PCDH10: variants seen among roughly 807,000 people sequenced by gnomAD.
PCDH10 encodes protocadherin 10.
A neutral mutation model predicts 74.4 loss-of-function variants in PCDH10; 15 were observed. The observed-to-expected ratio is 0.20, with a 90% CI of 0.13 to 0.31. The LOEUF (loss-of-function observed/expected upper bound fraction) is 0.31, where lower values mean the gene tolerates loss of function less well. Ranked by LOEUF, PCDH10 falls within the 10% of genes least tolerant of loss-of-function variation. PCDH10 has a pLI of 1.00. For missense variants in PCDH10, 1,260 were observed against 1,390.2 expected (o/e 0.91, Z 1.49); for synonymous variants, 619 against 589.8 (o/e 1.05, Z -0.72).
chr4:133,165,014 ATG>A (rs1412134450), intron 4 of PCDH10, among the ~76,000 whole-genome samples: 1 of 147,768 alleles, frequency 6.8e-6, no homozygotes, highest in Non-Finnish European at 1.5e-5. Context: ...ATTCATATAT[ATG>A]TGTATATATA....
At position 133,171,489 on chromosome 4, in the gene PCDH10, CCT is replaced by C. The variant is rs1727202427; in HGVS notation, c.3103+8210_3103+8211del. 2.0e-5 allele frequency among the ~76,000 whole-genome samples: 3 copies of C among 152,204 alleles called. No individual in the cohort carries two copies. In the South Asian group the frequency reaches 6.2e-4, roughly 31 times the overall value. ...GAAATAGTCAAGATAGAGGTGCTCT[CCT>C]CTTCTAACAAAACATATGGGTTTGT... On this transcript the variant is annotated intron_variant, in intron 4 of 4. Coordinates refer to ENST00000264360, the MANE Select transcript of PCDH10 (RefSeq NM_032961.3).
In PCDH10 at chr4:133,193,804, A is replaced by G. The variant is rs1338368115; in HGVS notation, c.*3644A>G. On this transcript the variant is annotated 3_prime_UTR_variant, in exon 5 of 5. Coordinates refer to ENST00000264360, the MANE Select transcript of PCDH10 (RefSeq NM_032961.3). ...AAATCTTATATTTTTCATATTACAA[A>G]TTCTTGAGTTCTTTATCTTTTTCAA... 1.3e-5 allele frequency: 2 copies of G among 151,612 alleles called. No homozygotes were observed. The highest frequency in any genetic ancestry group is 1.9e-4 in the East Asian group (1 of 5,180). The allele number at this position is 151,612 out of a possible 1,614,324, so 9.4% of individuals were successfully genotyped here.
Position 133,162,990 on chromosome 4 carries a change from C to T in PCDH10, c.2811C>T (p.Phe937=), listed in dbSNP as rs1479214015. ...NRAQSAGMDL[F]SNCTEECKAL... ...TTCTGCTTACAGGTATGGATCTCTT[C>T]TCCAATTGCACTGAGGAATGTAAAG... The change falls in exon 4 of 5, where the codon TTC becomes TTT. Residue 937 remains phenylalanine, a synonymous_variant. Coordinates refer to ENST00000264360, the MANE Select transcript of PCDH10 (RefSeq NM_032961.3). 6.2e-7 allele frequency: 1 copy of T among 1,610,890 alleles called. No individual in the cohort carries two copies. Among genetic ancestry groups the T allele is most frequent in the Non-Finnish European group, 8.5e-7 (1 of 1,177,506 alleles).
intron 1 of PCDH10, chr4:133,153,293 C>T: frequency 1.0e-6 from 1 of 1,004,786 alleles, no homozygotes; most frequent in Non-Finnish European, 1.2e-6. Context: ...GAACAAGTTA[C>T]CAGATCCTTC....
intron 4 of PCDH10, among the ~76,000 whole-genome samples, chr4:133,177,024 ATCT>A (rs1464441663): frequency 1.3e-5 from 2 of 151,852 alleles, no homozygotes; most frequent in African/African-American, 4.9e-5. Context: ...AATTTGACTC[ATCT>A]ATGTTTAGAG....
intron 4 of PCDH10, among the ~76,000 whole-genome samples, chr4:133,172,604 T>G (rs1727224099): frequency 6.6e-6 from 1 of 152,040 alleles, no homozygotes; most frequent in Non-Finnish European, 1.5e-5. Flanking sequence ...TCTGCCCACT[T>G]ACAGTTACTA....
intron 2 of PCDH10, among the ~76,000 whole-genome samples, chr4:133,205,336 C>A (rs1231938800): frequency 6.6e-6 from 1 of 152,124 alleles, no homozygotes; most frequent in Admixed American, 6.5e-5. Context: ...TGTTGTGAAG[C>A]TTTGATTCTT....
chr4:133,186,411 T>C (rs996509197), intron 4 of PCDH10, among the ~76,000 whole-genome samples: 3 of 152,086 alleles, frequency 2.0e-5, no homozygotes, highest in Non-Finnish European at 2.9e-5. Context: ...CCCTACATGC[T>C]GATGCATCAC....
rs1430853357 is a variant in PCDH10, at chr4:133,193,719, ATTGATACCC to A, written c.*3560_*3568del. The stretch of plus-strand genomic sequence containing the variant: ...TCCCCCTCATGTTTCTATGTGTGCT[ATTGATACCC>A]AAGGAACTCAAAAATACTTAAAATA... On this transcript the variant is annotated 3_prime_UTR_variant, in exon 5 of 5. Coordinates refer to ENST00000264360, the MANE Select transcript of PCDH10 (RefSeq NM_032961.3). 1 of 151,640 alleles carries A rather than the reference ATTGATACCC, an allele frequency of 6.6e-6. No homozygotes were observed. Among genetic ancestry groups the A allele is most frequent in the Middle Eastern group, 3.2e-3 (1 of 316 alleles). 9.4% of individuals were successfully genotyped at this position (151,640 alleles called of 1,614,324 possible).
At chr4:133,199,205 T>C (rs1473961555), downstream of PCDH10, among the ~76,000 whole-genome samples, 1 of 151,324 alleles carries the variant, frequency 6.6e-6, no homozygotes, top group Admixed American at 6.6e-5. Flanking sequence ...GGAGGATCAC[T>C]TGAGCTGGAG....
At position 133,154,379 on chromosome 4, in the gene PCDH10, T is replaced by C. The variant is rs1726813598; in HGVS notation, c.2690+14T>C. On this transcript the variant is annotated intron_variant, in intron 2 of 4. Transcript: ENST00000264360. The stretch of plus-strand genomic sequence containing the variant: ...CCGAGTTAACAGGTATGGACTCTTT[T>C]TTTCCCTAGCAGTAATGGACAATTT... 1 of 1,557,112 alleles carries C rather than the reference T, an allele frequency of 6.4e-7. No individual in the cohort carries two copies. The highest frequency in any genetic ancestry group is 1.2e-5 in the South Asian group (1 of 85,596).
At chr4:133,165,862 C>A (rs987596785) in intron 4 of PCDH10, among the ~76,000 whole-genome samples, 1 of 151,618 alleles carries the variant, frequency 6.6e-6, no homozygotes, top group African/African-American at 2.4e-5. Flanking sequence ...AAAGTTAAAA[C>A]TAAAAACTGC....
rs1261352754 is a variant in PCDH10, at chr4:133,188,739, T to A, written c.3104-1402T>A. ...CACAGGCTGGAGTGCAATGGCATGA[T>A]CTCAGCTCACTGCAACCTCTGCCTC... On this transcript the variant is annotated intron_variant, in intron 4 of 4. Transcript: ENST00000264360. Among the ~76,000 whole-genome samples, 3 of 143,048 alleles carry A rather than the reference T, an allele frequency of 2.1e-5. No homozygotes were observed. The Admixed American group carries it at 2.3e-4, about 11-fold the overall frequency. 93.8% of individuals were successfully genotyped at this position (143,048 alleles called of 152,430 possible). A position where few individuals can be genotyped will look rare whatever the true frequency, so the allele number is the denominator to read the frequency against.
At chr4:133,177,438 G>A (rs1357060757) in intron 4 of PCDH10, among the ~76,000 whole-genome samples, 4 of 152,006 alleles carry the variant, frequency 2.6e-5, no homozygotes, top group Non-Finnish European at 5.9e-5. Flanking sequence ...TATTCAATGG[G>A]CTCTCTGTGT....
At chr4:133,155,531 T>C (rs973849829) in intron 3 of PCDH10, among the ~76,000 whole-genome samples, 7 of 152,204 alleles carry the variant, frequency 4.6e-5, no homozygotes, top group Non-Finnish European at 8.8e-5. Flanking sequence ...GTAATGGTGA[T>C]TAAAAGTCAT....
Position 133,152,308 on chromosome 4 carries a change from G to T in PCDH10, c.2168G>T (p.Gly723Val). ...DLTLILIIAL[G>V]SVSFIFLLAM... ...ACCCTCATCCTCATCATCGCGTTGG[G>T]CTCGGTGTCCTTCATCTTCCTGCTG... The change falls in exon 1 of 5, where the codon GGC becomes GTC. Residue 723 changes from glycine (G) to valine (V), a missense_variant. Around this residue, in one of 11 missense-constraint regions of PCDH10, gnomAD observed 587 missense variants for 616.9 expected, o/e 0.95. Transcript: ENST00000264360. 1 of 1,614,146 alleles carries T rather than the reference G, an allele frequency of 6.2e-7. No individual in the cohort carries two copies. Among genetic ancestry groups the T allele is most frequent in the Middle Eastern group, 1.6e-4 (1 of 6,062 alleles).
intron 3 of PCDH10, among the ~76,000 whole-genome samples, chr4:133,160,587 T>C (rs1351531590): frequency 6.6e-6 from 1 of 150,530 alleles, no homozygotes; most frequent in Non-Finnish European, 1.5e-5. Context: ...TACGTAAAAG[T>C]AATTTCTACC....
intron 4 of PCDH10, among the ~76,000 whole-genome samples, chr4:133,166,931 A>G (rs1207112698): frequency 6.6e-6 from 1 of 151,518 alleles, no homozygotes; most frequent in Non-Finnish European, 1.5e-5. Flanking sequence ...CTGCATGATA[A>G]TGACTGAATT....
At chr4:133,200,011 G>C (rs1727872135) in intron 2 of PCDH10, among the ~76,000 whole-genome samples, 1 of 151,182 alleles carries the variant, frequency 6.6e-6, no homozygotes, top group Non-Finnish European at 1.5e-5. Context: ...TGTTAGCCAG[G>C]ATGGTCTCGA....
Sources: gnomAD v4.1 joint callset for allele counts (sites outside exome capture counted in the v4.1 genomes callset) on GRCh38, gnomAD v4.1.1 for gene constraint, gnomAD v4.1.1 regional missense constraint, MANE v1.5 for transcripts, NCBI Gene and HGNC (gene_info 2026-07-23, HGNC 2026-07-21) for gene names.